The following PDE7A variants were observed in gnomAD, a reference collection of about 807,000 sequenced individuals.
PDE7A encodes the protein high affinity 3',5'-cyclic-AMP phosphodiesterase 7A.
PDE7A carries 39 observed loss-of-function variants against 64.3 expected under a neutral mutation model. That is an observed-to-expected ratio of 0.61 (90% CI 0.47 to 0.79). The LOEUF (loss-of-function observed/expected upper bound fraction) is 0.79. Among genes scored for constraint, PDE7A ranks in the 30% least tolerant of loss-of-function variants. PDE7A has a pLI of 0.00. For missense variants in PDE7A, 470 were observed against 582.8 expected, an observed-to-expected ratio of 0.81 and a Z score of 1.99; for synonymous variants, 203 against 206.8, an observed-to-expected ratio of 0.98 and a Z score of 0.16.
chr8:65,757,004 C>G (rs1008394402), intron 3 of PDE7A, among the ~76,000 whole-genome samples: 1 of 152,116 alleles, frequency 6.6e-6, no homozygotes. Context: ...CCATGCCCTC[C>G]GTAGGTGCAC....
intron 2 of PDE7A, among the ~76,000 whole-genome samples, chr8:65,781,702 A>C (rs1809424461): frequency 1.3e-5 from 2 of 152,218 alleles, no homozygotes; most frequent in Non-Finnish European, 2.9e-5. Context: ...AAGACTGCAG[A>C]ACACAGACAT....
At chr8:65,789,273 C>G (rs1156628219) in intron 1 of PDE7A, among the ~76,000 whole-genome samples, 1 of 152,210 alleles carries the variant, frequency 6.6e-6, no homozygotes, top group African/African-American at 2.4e-5. Flanking sequence ...GGCCTCAGGC[C>G]AGCCCCAAAC....
intron 5 of PDE7A, among the ~76,000 whole-genome samples, chr8:65,744,188 T>C (rs1807567909): frequency 6.6e-6 from 1 of 151,340 alleles, no homozygotes; most frequent in Non-Finnish European, 1.5e-5. Context: ...ATATTTCAAA[T>C]AAGAGATGCT....
chr8:65,734,698 T>C lies in PDE7A; in HGVS notation c.696+96A>G, dbSNP rs189504295. The C allele has an allele frequency of 9.7e-6, 7 of 719,012 alleles. No homozygotes were observed. In the East Asian group the frequency reaches 1.5e-4, roughly 16 times the overall value. 44.5% of individuals were successfully genotyped at this position (719,012 alleles called of 1,614,324 possible). On this transcript the variant is annotated intron_variant, in intron 7 of 12. Coordinates refer to ENST00000401827, the MANE Select transcript of PDE7A (RefSeq NM_001242318.3). ...CATTCTTGTGAAGGAAGTCTGTGAT[T>C]TTCAGTCAAAGCAGTAACTTCAGGA...
At chr8:65,835,971 AACATATAT>A in intron 1 of PDE7A, among the ~76,000 whole-genome samples, 1 of 152,312 alleles carries the variant, frequency 6.6e-6, no homozygotes, top group Admixed American at 6.5e-5. Flanking sequence ...CTGAAATATA[AACATATAT>A]TAGCTCAGAA....
intron 3 of PDE7A, among the ~76,000 whole-genome samples, chr8:65,756,785 G>A (rs1256119100): frequency 6.6e-6 from 1 of 151,312 alleles, no homozygotes; most frequent in Non-Finnish European, 1.5e-5. Context: ...TTTTTTTCCT[G>A]TGGGCTATAT....
At position 65,718,206 on chromosome 8, in the gene PDE7A, A is replaced by G. The variant is rs925995102; in HGVS notation, c.*1084T>C. The G allele has an allele frequency of 1.3e-5, 2 of 152,208 alleles. No homozygotes were observed. Among genetic ancestry groups the G allele is most frequent in the African/African-American group, 2.4e-5 (1 of 41,460 alleles). The allele number at this position is 152,208 out of a possible 1,614,324, so 9.4% of individuals were successfully genotyped here. ...TGCTCATTATGTCACATTCTAAAAT[A>G]ATAAATAAAAGCTTACATTTCAAAT... On this transcript the variant is annotated 3_prime_UTR_variant, in exon 13 of 13. Transcript: ENST00000401827.
intron 1 of PDE7A, among the ~76,000 whole-genome samples, chr8:65,798,179 C>CATATATATATATATAT (rs1218978698): frequency 9.3e-5 from 11 of 118,900 alleles, no homozygotes; most frequent in East Asian, 2.2e-4. Flanking sequence ...TGTGTGTGTG[C>CATATATATATATATAT]ATATATATAT....
chr8:65,728,529 T>C (rs1477968988), intron 7 of PDE7A: 1 of 152,130 alleles, frequency 6.6e-6, no homozygotes, highest in East Asian at 1.9e-4. Flanking sequence ...GGTCAATGAA[T>C]AGGAGAAGAT....
At position 65,734,820 on chromosome 8, in the gene PDE7A, T is replaced by C; in HGVS notation, c.670A>G (p.Met224Val). 2.5e-6 allele frequency: 4 copies of C among 1,608,534 alleles called. No homozygotes were observed. The highest frequency in any genetic ancestry group is 3.4e-6 in the Non-Finnish European group (4 of 1,174,886). ...AVHAADVTQA[M>V]HCYLKEPKLA... is the part of the protein sequence containing the mutation. ...TTAGGTTCCTTTAAGTAACAGTGCA[T>C]GGCCTGAGTAACATCCGCAGCGTGG... The change falls in exon 7 of 13, where the codon ATG becomes GTG. Residue 224 changes from methionine (M) to valine (V), a missense_variant. Physicochemically the swap from Met to Val is conservative, Grantham distance 21. Coordinates refer to ENST00000401827, the MANE Select transcript of PDE7A (RefSeq NM_001242318.3).
intron 12 of PDE7A, chr8:65,720,404 A>G (rs1368407058): frequency 6.5e-6 from 1 of 154,084 alleles, no homozygotes; most frequent in Non-Finnish European, 1.5e-5. Context: ...CATATCCAAG[A>G]CTCTCGTTGC....
chr8:65,813,037 A>G (rs1810294413), intron 1 of PDE7A, among the ~76,000 whole-genome samples: 1 of 152,244 alleles, frequency 6.6e-6, no homozygotes, highest in Admixed American at 6.5e-5. Flanking sequence ...GGATAACACC[A>G]TATCCCTCAC....
At chr8:65,820,642 T>C (rs1810520018) in intron 1 of PDE7A, among the ~76,000 whole-genome samples, 1 of 152,176 alleles carries the variant, frequency 6.6e-6, no homozygotes, top group Non-Finnish European at 1.5e-5. Flanking sequence ...CAGGCTGGAG[T>C]GCAGTGGCGC....
Position 65,716,252 on chromosome 8 carries a change from C to G in PDE7A, c.*3038G>C, listed in dbSNP as rs1338536827. ...TATATGTGTAGGCAGGAAATGGGAGCCACACCCACAGTTCCCCTGAGAATG... is the reference window on the plus strand; with the variant it reads ...TATATGTGTAGGCAGGAAATGGGAGGCACACCCACAGTTCCCCTGAGAATG... On this transcript the variant is annotated 3_prime_UTR_variant, in exon 13 of 13. Transcript: ENST00000401827. Among the ~76,000 whole-genome samples, 1 of 151,870 alleles carries G rather than the reference C, an allele frequency of 6.6e-6. No homozygotes were observed.
intron 1 of PDE7A, among the ~76,000 whole-genome samples, chr8:65,792,961 G>T (rs866112532): frequency 3.7e-4 from 56 of 151,906 alleles, no homozygotes; most frequent in African/African-American, 1.3e-3. Context: ...CCGAATATTT[G>T]ATGAAAATGT....
intron 1 of PDE7A, among the ~76,000 whole-genome samples, chr8:65,823,917 T>G (rs892643170): frequency 2.0e-5 from 3 of 152,108 alleles, no homozygotes; most frequent in Admixed American, 6.6e-5. Context: ...AGGGAAAGTT[T>G]CCCACAAATA....
intron 2 of PDE7A, among the ~76,000 whole-genome samples, chr8:65,780,139 A>T (rs899177898): frequency 2.6e-5 from 4 of 151,734 alleles, no homozygotes; most frequent in South Asian, 2.1e-4. Context: ...TTTTTTTTTA[A>T]AAAAAGGCCA....
chr8:65,766,478 C>T (rs1003023040), intron 3 of PDE7A, among the ~76,000 whole-genome samples: 18 of 152,206 alleles, frequency 1.2e-4, no homozygotes, highest in Non-Finnish European at 8.8e-5. Context: ...AAAGCAGGAA[C>T]TTGAGAAGCC....
intron 4 of PDE7A, among the ~76,000 whole-genome samples, chr8:65,745,715 T>C (rs1401508851): frequency 6.6e-6 from 1 of 152,228 alleles, no homozygotes; most frequent in African/African-American, 2.4e-5. Context: ...GAAGGTTATG[T>C]TTCCCAGCTT....
Sources: gnomAD v4.1 joint callset for allele counts (sites outside exome capture counted in the v4.1 genomes callset) on GRCh38, gnomAD v4.1.1 for gene constraint, MANE v1.5 for transcripts, NCBI Gene and HGNC (gene_info 2026-07-23, HGNC 2026-07-21) for gene names.